Variants in L3MBTL4 observed in about 807,000 individuals in gnomAD.
L3MBTL4 encodes L3MBTL histone methyl-lysine binding protein 4.
In L3MBTL4, 70 loss-of-function variants were observed where a neutral mutation model predicts 84.5. The ratio of observed to expected loss-of-function variants is 0.83; its 90% CI spans 0.68 to 1.01. The LOEUF (loss-of-function observed/expected upper bound fraction) is 1.01. Ranked by LOEUF, L3MBTL4 falls within the 50% of genes least tolerant of loss-of-function variation. The pLI, the probability that L3MBTL4 is intolerant of heterozygous loss-of-function variation, is 0.00. For missense variants in L3MBTL4, 715 were observed against 754.8 expected (o/e 0.95, Z 0.62); for synonymous variants, 274 against 259.8 (o/e 1.05, Z -0.52).
At chr18:6,125,382 TTTTC>T (rs2059659252) in intron 14 of L3MBTL4, among the ~76,000 whole-genome samples, 1 of 152,184 alleles carries the variant, frequency 6.6e-6, no homozygotes, top group African/African-American at 2.4e-5. Context: ...TTGGATGGGA[TTTTC>T]TTTCTTTTTA....
At chr18:6,026,008 T>C (rs2186902) in intron 16 of L3MBTL4, among the ~76,000 whole-genome samples, 6,808 of 152,280 alleles carry the variant, frequency 0.045, 399 homozygotes, top group Admixed American at 0.16. Flanking sequence ...TAAAAAATGT[T>C]GGTCATACAT....
intron 5 of L3MBTL4, among the ~76,000 whole-genome samples, chr18:6,248,239 C>T (rs1940263656): frequency 2.6e-5 from 4 of 152,076 alleles, no homozygotes; most frequent in Non-Finnish European, 5.9e-5. Context: ...ACTGTTTTAC[C>T]CATACTGTCA....
At chr18:6,249,185 A>G (rs189689856) in intron 5 of L3MBTL4, among the ~76,000 whole-genome samples, 1 of 152,336 alleles carries the variant, frequency 6.6e-6, no homozygotes, top group East Asian at 1.9e-4. Flanking sequence ...TGCCATACAC[A>G]TATACAAATA....
chr18:6,326,873 G>A (rs1453524184), intron 1 of L3MBTL4, among the ~76,000 whole-genome samples: 2 of 152,120 alleles, frequency 1.3e-5, no homozygotes, highest in Non-Finnish European at 2.9e-5. Context: ...AGTACATTAA[G>A]CATTGTATGT....
At chr18:6,380,396 T>C (rs1053934985) in intron 1 of L3MBTL4, among the ~76,000 whole-genome samples, 8 of 152,234 alleles carry the variant, frequency 5.3e-5, no homozygotes, top group Non-Finnish European at 1.0e-4. Flanking sequence ...CTAGTTCTTT[T>C]AATTTTGATG....
At chr18:6,260,876 G>A (rs961770098) in intron 5 of L3MBTL4, 4 of 152,046 alleles carry the variant, frequency 2.6e-5, no homozygotes, top group Non-Finnish European at 5.9e-5. Context: ...GCTCCTTCTT[G>A]GAAAGCTGAC....
intron 4 of L3MBTL4, among the ~76,000 whole-genome samples, chr18:6,281,039 A>G (rs1450119096): frequency 1.3e-5 from 2 of 152,170 alleles, no homozygotes; most frequent in Admixed American, 1.3e-4. Context: ...CAGGAAGAGG[A>G]AATTAATACA....
At chr18:6,306,326 G>C (rs1178667587) in intron 3 of L3MBTL4, among the ~76,000 whole-genome samples, 1 of 152,120 alleles carries the variant, frequency 6.6e-6, no homozygotes, top group Admixed American at 6.5e-5. Context: ...CTTCCATTTT[G>C]TTCAAATACT....
intron 17 of L3MBTL4, among the ~76,000 whole-genome samples, chr18:5,966,458 G>C (rs1372955564): frequency 6.6e-6 from 1 of 152,114 alleles, no homozygotes; most frequent in Non-Finnish European, 1.5e-5. Flanking sequence ...GGCTTCCAGG[G>C]ACTCCTTGGA....
chr18:6,333,933 G>A (rs6506377), intron 1 of L3MBTL4, among the ~76,000 whole-genome samples: 1 of 152,140 alleles, frequency 6.6e-6, no homozygotes, highest in East Asian at 1.9e-4. Flanking sequence ...CTGTGTTCTA[G>A]CCAGAAATAT....
rs764297507 is a variant in L3MBTL4 at position 6,022,027 on chromosome 18, T to C, written c.1445-52465A>G. Among the ~76,000 whole-genome samples the C allele has an allele frequency of 6.6e-5, 10 of 152,352 alleles. 1 individual carries two copies. In the Middle Eastern group the frequency reaches 0.01, roughly 155 times the overall value. On this transcript the variant is annotated intron_variant, in intron 16 of 18. Coordinates refer to ENST00000317931, the MANE Select transcript of L3MBTL4 (RefSeq NM_001330559.2). ...CCCAAATGTTGGTCTGTGTCTCAGA[T>C]GTAACTTCTGTACCCTGGGCCAATT...
chr18:6,229,078 T>A (rs2046891571), intron 10 of L3MBTL4, among the ~76,000 whole-genome samples: 1 of 152,166 alleles, frequency 6.6e-6, no homozygotes, highest in Non-Finnish European at 1.5e-5. Flanking sequence ...TTATAATAGA[T>A]GCACTAAATA....
rs73938752 is a variant in L3MBTL4, at chr18:6,132,074, C to T, written c.1199+6120G>A. Among the ~76,000 whole-genome samples, 1,174 of 152,204 alleles carry T rather than the reference C, an allele frequency of 7.7e-3. 18 individuals are homozygous for T. Among genetic ancestry groups the T allele is most frequent in the African/African-American group, 0.027 (1,119 of 41,538 alleles). ...TCATGATCCACACTCTCCAATGATA[C>T]CCTTTCAGCCAACAGTAACTCCATC... On this transcript the variant is annotated intron_variant, in intron 14 of 18. Coordinates refer to ENST00000317931, the MANE Select transcript of L3MBTL4 (RefSeq NM_001330559.2).
chr18:6,358,575 C>T (rs2053546609), intron 1 of L3MBTL4, among the ~76,000 whole-genome samples: 3 of 152,176 alleles, frequency 2.0e-5, no homozygotes, highest in South Asian at 2.1e-4. Flanking sequence ...CTAAGGCTTA[C>T]GGATAAGAAA....
intron 1 of L3MBTL4, among the ~76,000 whole-genome samples, chr18:6,370,553 C>T (rs923684903): frequency 6.6e-6 from 1 of 152,222 alleles, no homozygotes; most frequent in Non-Finnish European, 1.5e-5. Context: ...ACCCAGCACA[C>T]ATGAGGGTAC....
At chr18:6,064,832 G>T (rs1418488796) in intron 16 of L3MBTL4, among the ~76,000 whole-genome samples, 4 of 151,964 alleles carry the variant, frequency 2.6e-5, no homozygotes, top group African/African-American at 9.6e-5. Context: ...CACTTCAGAT[G>T]CTTTTTATTT....
intron 16 of L3MBTL4, among the ~76,000 whole-genome samples, chr18:6,035,813 A>G (rs555157417): frequency 1.3e-5 from 2 of 152,312 alleles, no homozygotes; most frequent in East Asian, 1.9e-4. Flanking sequence ...GGAAATTTAT[A>G]GCACTAAATG....
intron 1 of L3MBTL4, among the ~76,000 whole-genome samples, chr18:6,363,186 C>T (rs1169064245): frequency 1.3e-5 from 2 of 152,136 alleles, no homozygotes; most frequent in Non-Finnish European, 1.5e-5. Context: ...TTCCTGAGTT[C>T]GTAAATTGTG....
At chr18:6,111,064 A>C (rs1057197914) in intron 14 of L3MBTL4, among the ~76,000 whole-genome samples, 1 of 151,688 alleles carries the variant, frequency 6.6e-6, no homozygotes, top group Non-Finnish European at 1.5e-5. Context: ...TGCATTCACC[A>C]TTTGCAAGGA....
Sources: allele counts gnomAD v4.1 joint callset (sites outside exome capture counted in the v4.1 genomes callset), GRCh38; gene constraint gnomAD v4.1.1; transcripts MANE v1.5; gene names NCBI Gene and HGNC (gene_info 2026-07-23, HGNC 2026-07-21).